RABEP1: variants seen among roughly 807,000 people sequenced by gnomAD.
The protein encoded by RABEP1 is rabaptin, RAB GTPase binding effector protein 1, also known as rab GTPase-binding effector protein 1.
A neutral mutation model predicts 123.4 loss-of-function variants in RABEP1; 51 were observed. That is an observed-to-expected ratio of 0.41 (90% CI 0.33 to 0.52). RABEP1 has a LOEUF of 0.52. Ranked by LOEUF, RABEP1 falls within the 20% of genes least tolerant of loss-of-function variation. The pLI is 0.16. For missense variants in RABEP1, 888 were observed against 996.3 expected, an observed-to-expected ratio of 0.89 and a Z score of 1.46; for synonymous variants, 347 against 355.2, an observed-to-expected ratio of 0.98 and a Z score of 0.26.
chr17:5,311,915 G>C (rs183865183), intron 2 of RABEP1, among the ~76,000 whole-genome samples: 1 of 152,222 alleles, frequency 6.6e-6, no homozygotes, highest in East Asian at 1.9e-4. Context: ...TCATGAGTGA[G>C]TAAATAGAAA....
chr17:5,331,980 A>G lies in RABEP1; in HGVS notation c.195A>G (p.Gln65=), dbSNP rs769989281. 3 of 1,614,036 alleles carry G rather than the reference A, an allele frequency of 1.9e-6. No individual in the cohort carries two copies. The highest frequency in any genetic ancestry group is 1.7e-5 in the Admixed American group (1 of 60,014). ...EDLKRQNAVL[Q]AAQDDLGHLR... ...TGAAGAGGCAAAATGCAGTATTACAAGCTGCACAAGATGATTTGGGACACC... is the reference window on the plus strand; with the variant it reads ...TGAAGAGGCAAAATGCAGTATTACAGGCTGCACAAGATGATTTGGGACACC... The change falls in exon 3 of 18, where the codon CAA becomes CAG. Residue 65 remains glutamine (Q), a synonymous_variant. Transcript: ENST00000537505.
At chr17:5,367,547 G>A (rs990197405) in intron 11 of RABEP1, among the ~76,000 whole-genome samples, 10 of 151,460 alleles carry the variant, frequency 6.6e-5, no homozygotes, top group Non-Finnish European at 1.0e-4. Context: ...AGGATTACAG[G>A]CGTGAGTCAC....
intron 1 of RABEP1, among the ~76,000 whole-genome samples, chr17:5,290,697 A>T (rs1228289908): frequency 6.6e-6 from 1 of 152,044 alleles, no homozygotes; most frequent in African/African-American, 2.4e-5. Context: ...GGTTCAAGTG[A>T]TCCTTTCATC....
At chr17:5,361,062 C>A in intron 8 of RABEP1, 146 bp from the exon 9 acceptor site, 1 of 720,210 alleles carries the variant, frequency 1.4e-6, no homozygotes. Context: ...GTAGAAATGA[C>A]ACTTAGTGTT....
In RABEP1 at chr17:5,311,697, C is replaced by CAAA. The variant is rs35876639; in HGVS notation, c.163+2896_163+2898dup. On this transcript the variant is annotated intron_variant, in intron 2 of 17. Transcript: ENST00000537505. The stretch of plus-strand genomic sequence containing the variant: ...CCTGGGTGACAGAGCGACTTCATCT[C>CAAA]AAAAAAAAAAAAAAAAAAAAAAACA... Among the ~76,000 whole-genome samples the CAAA allele has an allele frequency of 4.5e-3, 315 of 70,536 alleles. 2 individuals are homozygous for CAAA. Among genetic ancestry groups the CAAA allele is most frequent in the Middle Eastern group, 0.01 (1 of 98 alleles). 46.3% of individuals were successfully genotyped at this position (70,536 alleles called of 152,430 possible).
intron 17 of RABEP1, chr17:5,381,744 A>C: frequency 4.6e-6 from 2 of 431,430 alleles, no homozygotes; most frequent in Non-Finnish European, 7.7e-6. Flanking sequence ...TAAAGTACTG[A>C]CTCCTTAGCA....
chr17:5,380,564 C>T, intron 16 of RABEP1, 102 bp downstream of exon 16: 1 of 1,054,286 alleles, frequency 9.5e-7, no homozygotes, highest in Non-Finnish European at 1.4e-6. Context: ...GAAGTGTCAC[C>T]TTTTAAAAAG....
chr17:5,331,413 TGCCTGGGCTTAA>T (rs1490845487), intron 2 of RABEP1, among the ~76,000 whole-genome samples: 1 of 152,226 alleles, frequency 6.6e-6, no homozygotes, highest in Non-Finnish European at 1.5e-5. Flanking sequence ...ACATATGTTC[TGCCTGGGCTTAA>T]ACCATGTAGT....
intron 12 of RABEP1, among the ~76,000 whole-genome samples, chr17:5,368,716 T>C (rs908337478): frequency 6.6e-6 from 1 of 152,256 alleles, no homozygotes; most frequent in African/African-American, 2.4e-5. Flanking sequence ...TTGGGAAACC[T>C]AAACAGAATA....
At chr17:5,313,703 A>G (rs16954523) in intron 2 of RABEP1, among the ~76,000 whole-genome samples, 20,691 of 152,142 alleles carry the variant, frequency 0.14, 1,463 homozygotes, top group East Asian at 0.17. Context: ...GTACTGTTGT[A>G]TCTTTACTGT....
At chr17:5,368,159 A>G (rs1039522914) in intron 11 of RABEP1, among the ~76,000 whole-genome samples, 2 of 152,300 alleles carry the variant, frequency 1.3e-5, no homozygotes, top group Admixed American at 6.5e-5. Context: ...GTATGGCTGC[A>G]TGTGACTCGG....
At chr17:5,332,300 G>T (rs1367584327) in intron 3 of RABEP1, 148 bp downstream of exon 3, 15 of 741,268 alleles carry the variant, frequency 2.0e-5, no homozygotes, top group Non-Finnish European at 2.8e-5. Flanking sequence ...TCAGATAAAA[G>T]AGAAGTCACT....
intron 11 of RABEP1, among the ~76,000 whole-genome samples, chr17:5,365,756 T>G (rs1909953964): frequency 6.6e-6 from 1 of 152,236 alleles, no homozygotes; most frequent in South Asian, 2.1e-4. Context: ...AGCCTGTGCT[T>G]TAACTTTAGA....
intron 1 of RABEP1, among the ~76,000 whole-genome samples, chr17:5,285,297 CT>C (rs1177991770): frequency 1.9e-3 from 260 of 139,656 alleles, no homozygotes; most frequent in Middle Eastern, 3.6e-3. Context: ...CACTTTTTTT[CT>C]TTTTTTTTTT....
chr17:5,341,253 C>T (rs935009860), intron 5 of RABEP1, among the ~76,000 whole-genome samples: 3 of 152,076 alleles, frequency 2.0e-5, no homozygotes, highest in Admixed American at 6.5e-5. Context: ...TGCACGCCAG[C>T]CTGGGCAAGG....
intron 7 of RABEP1, 110 bp downstream of exon 7, chr17:5,350,739 TA>T: frequency 1.7e-6 from 2 of 1,203,458 alleles, no homozygotes. Flanking sequence ...AACAAGGTGA[TA>T]AAGGTGATAT....
chr17:5,381,151 A>C (rs1911415731), intron 16 of RABEP1, among the ~76,000 whole-genome samples: 1 of 152,180 alleles, frequency 6.6e-6, no homozygotes, highest in Non-Finnish European at 1.5e-5. Context: ...GGGGGAGGGC[A>C]GCACTTTAAT....
Position 5,361,457 on chromosome 17 carries a change from T to G in RABEP1, c.1345T>G (p.Ser449Ala). The G allele has an allele frequency of 6.2e-7, 1 of 1,614,188 alleles. No individual in the cohort carries two copies. The change falls in exon 9 of 18, where the codon TCT (serine) becomes GCT (alanine). Residue 449 changes from serine (S) to alanine (A), a missense_variant. Transcript: ENST00000537505. Reference sequence around the variant, plus strand: ...ACCACTGGTAGGAGCAGATTCAGTGTCTGAGAACTTTGATACTGCATCCCT... The same window carrying G: ...ACCACTGGTAGGAGCAGATTCAGTGGCTGAGAACTTTGATACTGCATCCCT... ...FGPLVGADSV[S>A]ENFDTASLGS... is the part of the protein sequence containing the mutation.
chr17:5,317,834 G>A (rs2075313212), intron 2 of RABEP1, among the ~76,000 whole-genome samples: 1 of 152,148 alleles, frequency 6.6e-6, no homozygotes, highest in South Asian at 2.1e-4. Flanking sequence ...CCAACCTCCA[G>A]GGAGAGGAGA....
Sources: allele counts gnomAD v4.1 joint callset (sites outside exome capture counted in the v4.1 genomes callset), GRCh38; gene constraint gnomAD v4.1.1; transcripts MANE v1.5; gene names NCBI Gene and HGNC (gene_info 2026-07-23, HGNC 2026-07-21).